The following GLMN variants were observed in gnomAD, a reference collection of about 807,000 sequenced individuals.
GLMN encodes the protein glomulin.
Under a neutral mutation model 87.8 loss-of-function variants are expected in GLMN, and 75 were observed. That is an observed-to-expected ratio of 0.85 (90% CI 0.71 to 1.04). GLMN has a LOEUF of 1.04. Ranked by LOEUF, GLMN falls within the 50% of genes least tolerant of loss-of-function variation. The pLI is 0.00. For missense variants in GLMN, 588 were observed against 658.8 expected (o/e 0.89, Z 1.18); for synonymous variants, 206 against 221.6 (o/e 0.93, Z 0.63).
At chr1:92,288,073 G>C (rs938830691) in intron 6 of GLMN, among the ~76,000 whole-genome samples, 26 of 151,312 alleles carry the variant, frequency 1.7e-4, no homozygotes, top group African/African-American at 5.8e-4. Context: ...CAAAATCCAG[G>C]GGATATTTTA....
upstream of GLMN, chr1:92,301,329 A>G (rs919982779): frequency 1.8e-5 from 6 of 330,694 alleles, no homozygotes; most frequent in Non-Finnish European, 1.6e-5. Flanking sequence ...ACAATTAAAA[A>G]GAAATAAATA....
chr1:92,297,678 A>C (rs925070571), intron 2 of GLMN, 149 bp from the exon 3 acceptor site: 1 of 716,360 alleles, frequency 1.4e-6, no homozygotes, highest in Non-Finnish European at 2.4e-6. Context: ...ACGTATCAAA[A>C]TTAGGATTAC....
the GLMN span, among the ~76,000 whole-genome samples, chr1:92,364,049 G>A: frequency 3.9e-5 from 6 of 152,046 alleles, no homozygotes; most frequent in Admixed American, 3.9e-4. Context: ...GCATTGCTCA[G>A]GGGTCAACTG....
At chr1:92,301,505 A>G, upstream of GLMN, 1 of 1,593,590 alleles carries the variant, frequency 6.3e-7, no homozygotes, top group South Asian at 1.2e-5. Context: ...GCTGTGAGAA[A>G]GAAGATTGAA....
chr1:92,295,100 T>C (rs561470701), intron 3 of GLMN, among the ~76,000 whole-genome samples: 1 of 152,372 alleles, frequency 6.6e-6, no homozygotes, highest in Admixed American at 6.5e-5. Context: ...TCTATCCCAT[T>C]AGCTATTCAG....
At chr1:92,338,111 C>T in the GLMN span, among the ~76,000 whole-genome samples, 1 of 151,864 alleles carries the variant, frequency 6.6e-6, no homozygotes, top group African/African-American at 2.4e-5. Context: ...TTTTACACTT[C>T]AGTTGGCTGA....
intron 16 of GLMN, among the ~76,000 whole-genome samples, chr1:92,253,663 C>T (rs1653832060): frequency 6.6e-6 from 1 of 152,172 alleles, no homozygotes. Flanking sequence ...CTGCAGCAGA[C>T]CTGCAGAAGA....
intron 16 of GLMN, among the ~76,000 whole-genome samples, chr1:92,261,085 C>T (rs190693859): frequency 6.6e-5 from 10 of 152,342 alleles, no homozygotes; most frequent in Non-Finnish European, 1.0e-4. Flanking sequence ...TCATACCCTA[C>T]CCTAAGGCCA....
intron 13 of GLMN, among the ~76,000 whole-genome samples, chr1:92,266,100 A>T (rs1655605003): frequency 6.6e-6 from 1 of 152,218 alleles, no homozygotes; most frequent in Admixed American, 6.5e-5. Context: ...GAGATTAGTG[A>T]CATACATAAA....
the GLMN span, among the ~76,000 whole-genome samples, chr1:92,364,656 T>C: frequency 1.3e-5 from 2 of 152,196 alleles, 1 homozygote; most frequent in East Asian, 3.9e-4. Context: ...TTATCTCTCA[T>C]ATCTAATCAA....
chr1:92,300,178 T>G, upstream of GLMN: 1 of 1,587,894 alleles, frequency 6.3e-7, no homozygotes, highest in South Asian at 1.1e-5. Context: ...AGCACATGAC[T>G]GTATTTTTAT....
chr1:92,337,584 G>A, the GLMN span, among the ~76,000 whole-genome samples: 1 of 152,096 alleles, frequency 6.6e-6, no homozygotes, highest in Non-Finnish European at 1.5e-5. Context: ...CCAAACTATA[G>A]ATGTCTTAAA....
chr1:92,287,854 T>C (rs1331210987), intron 6 of GLMN, among the ~76,000 whole-genome samples: 2 of 152,154 alleles, frequency 1.3e-5, no homozygotes, highest in Non-Finnish European at 2.9e-5. Flanking sequence ...GTAATTAATC[T>C]AGTCTATCAC....
chr1:92,364,197 C>T, the GLMN span, among the ~76,000 whole-genome samples: 143 of 152,220 alleles, frequency 9.4e-4, no homozygotes, highest in Non-Finnish European at 1.7e-3. Context: ...TCAGGGTTCC[C>T]TTCTTCCCCA....
intron 7 of GLMN, among the ~76,000 whole-genome samples, chr1:92,273,512 A>G (rs11580693): frequency 0.26 from 38,790 of 146,732 alleles, 6,386 homozygotes; most frequent in Non-Finnish European, 0.35. Context: ...TGGCATGATC[A>G]TGGCTTACTG....
the GLMN span, among the ~76,000 whole-genome samples, chr1:92,366,160 G>A: frequency 7.2e-5 from 11 of 152,214 alleles, no homozygotes; most frequent in South Asian, 4.2e-4. Flanking sequence ...TGTTTTAGCC[G>A]GATGTGGTGG....
At chr1:92,286,246 T>A (rs1004459505) in intron 7 of GLMN, among the ~76,000 whole-genome samples, 2 of 150,152 alleles carry the variant, frequency 1.3e-5, no homozygotes, top group Non-Finnish European at 3.0e-5. Flanking sequence ...ATATATAAAA[T>A]CTTTGAAAAA....
At chr1:92,292,419 T>C (rs557753431) in intron 3 of GLMN, among the ~76,000 whole-genome samples, 1 of 151,952 alleles carries the variant, frequency 6.6e-6, no homozygotes, top group Admixed American at 6.5e-5. Flanking sequence ...CTTATTTATT[T>C]ATTTATTTTG....
At chr1:92,319,061 A>G in the GLMN span, among the ~76,000 whole-genome samples, 1 of 152,186 alleles carries the variant, frequency 6.6e-6, no homozygotes, top group Non-Finnish European at 1.5e-5. Flanking sequence ...GAAAAAAGGG[A>G]GAGGTTTGTA....
Sources: allele counts gnomAD v4.1 joint callset (sites outside exome capture counted in the v4.1 genomes callset), GRCh38; gene constraint gnomAD v4.1.1; transcripts MANE v1.5; gene names NCBI Gene and HGNC (gene_info 2026-07-23, HGNC 2026-07-21).